Variants in GUCY1A2 observed in about 807,000 individuals in gnomAD.
GUCY1A2 encodes the protein guanylate cyclase 1 soluble subunit alpha 2.
A neutral mutation model predicts 63.5 loss-of-function variants in GUCY1A2; 27 were observed. The ratio of observed to expected loss-of-function variants is 0.43; its 90% confidence interval spans 0.31 to 0.59. GUCY1A2 has a LOEUF of 0.59. Ranked by LOEUF, GUCY1A2 falls within the 20% of genes least tolerant of loss-of-function variation. The pLI is 0.11. For missense variants in GUCY1A2, 768 were observed against 913.3 expected, an observed-to-expected ratio of 0.84 and a Z score of 2.05; for synonymous variants, 364 against 343.5, an observed-to-expected ratio of 1.06 and a Z score of -0.66.
chr11:106,911,317 G>C (rs1860290735), intron 4 of GUCY1A2, among the ~76,000 whole-genome samples: 1 of 151,944 alleles, frequency 6.6e-6, no homozygotes, highest in South Asian at 2.1e-4. Context: ...CAGGAACACG[G>C]AAAACAAAAA....
intron 4 of GUCY1A2, among the ~76,000 whole-genome samples, chr11:106,821,689 C>T (rs80303993): frequency 0.078 from 11,936 of 152,122 alleles, 1,063 homozygotes; most frequent in African/African-American, 0.22. Flanking sequence ...CAGGAATGAA[C>T]GAAACCTCCT....
At chr11:106,777,473 A>C (rs1232067976) in intron 5 of GUCY1A2, among the ~76,000 whole-genome samples, 1 of 150,782 alleles carries the variant, frequency 6.6e-6, no homozygotes, top group Non-Finnish European at 1.5e-5. Flanking sequence ...AAAGTGGCAC[A>C]TATACACCAT....
chr11:106,764,453 T>C (rs1864123142), intron 6 of GUCY1A2, among the ~76,000 whole-genome samples: 1 of 152,114 alleles, frequency 6.6e-6, no homozygotes, highest in African/African-American at 2.4e-5. Context: ...TATTTACTCT[T>C]GACAAAAAGT....
intron 4 of GUCY1A2, among the ~76,000 whole-genome samples, chr11:106,839,235 C>A (rs1859161775): frequency 6.6e-6 from 1 of 151,960 alleles, no homozygotes; most frequent in African/African-American, 2.4e-5. Flanking sequence ...AATAGGGAAT[C>A]CTTTCCCCAT....
intron 2 of GUCY1A2, among the ~76,000 whole-genome samples, chr11:106,982,350 C>T (rs1861347989): frequency 6.6e-6 from 1 of 152,142 alleles, no homozygotes; most frequent in African/African-American, 2.4e-5. Context: ...ACTTCTTCTG[C>T]TCCTCACTAA....
chr11:106,735,329 A>G (rs1565273140), intron 6 of GUCY1A2, among the ~76,000 whole-genome samples: 1 of 151,722 alleles, frequency 6.6e-6, no homozygotes, highest in African/African-American at 2.4e-5. Flanking sequence ...CCATCATTCT[A>G]CTCTCTATCT....
intron 4 of GUCY1A2, among the ~76,000 whole-genome samples, chr11:106,891,693 C>T (rs1859976949): frequency 6.6e-6 from 1 of 152,002 alleles, no homozygotes; most frequent in South Asian, 2.1e-4. Flanking sequence ...TATTGAATTG[C>T]TTTGGTGCCT....
In GUCY1A2 at chr11:106,826,825, C is replaced by G. The variant is rs373655727; in HGVS notation, c.1207-16347G>C. ...CTGCCAGGATGTAGTACAGATGTCA[C>G]CGGCAGCATAGATATCAGGAAGGGA... On this transcript the variant is annotated intron_variant, in intron 4 of 7. Coordinates refer to ENST00000526355, the MANE Select transcript of GUCY1A2 (RefSeq NM_000855.3). 3.6e-5 allele frequency: 58 copies of G among 1,608,692 alleles called. 1 individual carries two copies. In the East Asian group the frequency reaches 6.0e-4, roughly 17 times the overall value.
intron 3 of GUCY1A2, among the ~76,000 whole-genome samples, chr11:106,940,711 T>A (rs371731584): frequency 6.6e-6 from 1 of 152,192 alleles, no homozygotes; most frequent in South Asian, 2.1e-4. Context: ...TTCACTGCCC[T>A]AAAAATCCTG....
At chr11:106,706,287 A>ACTT (rs1335518531) in intron 7 of GUCY1A2, among the ~76,000 whole-genome samples, 7 of 152,290 alleles carry the variant, frequency 4.6e-5, no homozygotes, top group African/African-American at 1.7e-4. Flanking sequence ...ACTGGGTTTT[A>ACTT]CTTCATAAAT....
At position 106,990,276 on chromosome 11, in the gene GUCY1A2, G is replaced by A. The variant is rs10890631; in HGVS notation, c.304-4145C>T. Among the ~76,000 whole-genome samples the A allele has an allele frequency of 3.4e-3, 519 of 152,210 alleles. 4 individuals are homozygous for A. Among genetic ancestry groups the A allele is most frequent in the African/African-American group, 0.012 (485 of 41,546 alleles). On this transcript the variant is annotated intron_variant, in intron 1 of 7. Transcript: ENST00000526355. ...TACCCAAAAGCCTCCATCATATGGC[G>A]GCAAAAAGCCATCTTCATCTCTAGT...
At chr11:106,869,996 T>A (rs1168872116) in intron 4 of GUCY1A2, among the ~76,000 whole-genome samples, 1 of 150,712 alleles carries the variant, frequency 6.6e-6, no homozygotes, top group African/African-American at 2.4e-5. Context: ...CTCAGGAAAC[T>A]ATCGCAAGGA....
chr11:107,006,169 C>A (rs142001575), intron 1 of GUCY1A2, among the ~76,000 whole-genome samples: 2,055 of 152,304 alleles, frequency 0.013, 29 homozygotes, highest in South Asian at 0.045. Flanking sequence ...CTGCAAATCT[C>A]CTCTTTTCCC....
chr11:106,799,634 A>C (rs1450759352), intron 5 of GUCY1A2, among the ~76,000 whole-genome samples: 2 of 152,204 alleles, frequency 1.3e-5, no homozygotes, highest in Non-Finnish European at 2.9e-5. Context: ...AAAACAAGAA[A>C]TGGGGAAAGG....
intron 1 of GUCY1A2, among the ~76,000 whole-genome samples, chr11:107,006,479 T>C (rs540015988): frequency 2.6e-5 from 4 of 152,288 alleles, no homozygotes; most frequent in Non-Finnish European, 4.4e-5. Flanking sequence ...AATGGGCTGA[T>C]AGGCATTTTT....
At position 106,778,034 on chromosome 11, in the gene GUCY1A2, C is replaced by T. The variant is rs1864390432; in HGVS notation, c.1693-1452G>A. Reference sequence around the variant, plus strand: ...TAAATATTTACCCCAGGTTAAAACTCCCAAATTTCCAAAGCATAGAACATG... The same window carrying T: ...TAAATATTTACCCCAGGTTAAAACTTCCAAATTTCCAAAGCATAGAACATG... On this transcript the variant is annotated intron_variant, in intron 5 of 7. Coordinates refer to ENST00000526355, the MANE Select transcript of GUCY1A2 (RefSeq NM_000855.3). 1.3e-5 allele frequency among the ~76,000 whole-genome samples: 2 copies of T among 152,106 alleles called. 1 individual carries two copies. Among genetic ancestry groups the T allele is most frequent in the South Asian group, 4.1e-4 (2 of 4,828 alleles).
rs969655647 is a variant in GUCY1A2 at position 106,685,512 on chromosome 11, A to C, written c.*2037T>G. On this transcript the variant is annotated 3_prime_UTR_variant, in exon 8 of 8. Coordinates refer to ENST00000526355, the MANE Select transcript of GUCY1A2 (RefSeq NM_000855.3). ...ATGGTTACAAAACACATTGTTCATCACCAACATTTTATTGATTTAATATAC... is the reference window on the plus strand; with the variant it reads ...ATGGTTACAAAACACATTGTTCATCCCCAACATTTTATTGATTTAATATAC... 20 of 225,820 alleles carry C rather than the reference A, an allele frequency of 8.9e-5. No individual in the cohort carries two copies. Among genetic ancestry groups the C allele is most frequent in the African/African-American group, 4.5e-4 (20 of 44,936 alleles). The allele number at this position is 225,820 out of a possible 1,614,324, so 14.0% of individuals were successfully genotyped here. A position where few individuals can be genotyped will look rare whatever the true frequency, so the allele number is the denominator to read the frequency against.
chr11:106,776,606 T>A, intron 5 of GUCY1A2, 24 bp from the exon 6 acceptor site: 1 of 1,606,674 alleles, frequency 6.2e-7, no homozygotes, highest in Non-Finnish European at 8.5e-7. Flanking sequence ...ACAAATCAAA[T>A]GCAAACGTAT....
intron 5 of GUCY1A2, among the ~76,000 whole-genome samples, chr11:106,806,113 TCA>T (rs1858680980): frequency 6.6e-6 from 1 of 151,894 alleles, no homozygotes; most frequent in African/African-American, 2.4e-5. Flanking sequence ...ACAAACATAA[TCA>T]CATAACACAC....
Sources: allele counts gnomAD v4.1 joint callset (sites outside exome capture counted in the v4.1 genomes callset), GRCh38; gene constraint gnomAD v4.1.1; transcripts MANE v1.5; gene names NCBI Gene and HGNC (gene_info 2026-07-23, HGNC 2026-07-21).